The following ELP4 variants were observed in gnomAD, a reference collection of about 807,000 sequenced individuals.
ELP4 encodes elongator acetyltransferase complex subunit 4.
ELP4 carries 51 observed loss-of-function variants against 48.9 expected under a neutral mutation model. That is an observed-to-expected ratio of 1.04 (90% confidence interval 0.83 to 1.32). The LOEUF (loss-of-function observed/expected upper bound fraction) is 1.32. Among genes scored for constraint, ELP4 ranks in the 40% most tolerant of loss-of-function variants. ELP4 has a pLI of 0.00. For synonymous variants in ELP4, 210 were observed against 189.2 expected, an observed-to-expected ratio of 1.11 and a Z score of -0.90; for missense variants, 519 against 514.6, an observed-to-expected ratio of 1.01 and a Z score of -0.08.
At chr11:31,767,785 C>T (rs1423960455) in intron 9 of ELP4, 1 of 152,126 alleles carries the variant, frequency 6.6e-6, no homozygotes, top group Non-Finnish European at 1.5e-5. Flanking sequence ...GTCACTTCAG[C>T]AAAGAGTTAC....
At position 31,668,638 on chromosome 11, in the gene ELP4, T is replaced by C. The variant is rs1199316082; in HGVS notation, c.1143+18417T>C. ...ACCGCACCTAGCTGTGATTCTCTTC[T>C]TTGCTTTAGATATCGGAATGAAATT... On this transcript the variant is annotated intron_variant, in intron 9 of 9. Coordinates refer to ENST00000640961, the MANE Select transcript of ELP4 (RefSeq NM_019040.5). Among the ~76,000 whole-genome samples, 3 of 147,684 alleles carry C rather than the reference T, an allele frequency of 2.0e-5. No homozygotes were observed. The South Asian group carries it at 6.4e-4, about 32-fold the overall frequency.
At chr11:31,693,349 C>T (rs1260486318) in intron 9 of ELP4, among the ~76,000 whole-genome samples, 2 of 151,946 alleles carry the variant, frequency 1.3e-5, no homozygotes, top group Admixed American at 6.6e-5. Flanking sequence ...GTAATATTCC[C>T]CTTCCTGTGT....
At chr11:31,747,044 T>C (rs923968978) in intron 9 of ELP4, among the ~76,000 whole-genome samples, 2 of 152,076 alleles carry the variant, frequency 1.3e-5, no homozygotes, top group African/African-American at 4.8e-5. Context: ...TGTGTGTGTG[T>C]GTGTGTGTGT....
chr11:31,568,665 G>A (rs2996463), intron 3 of ELP4, among the ~76,000 whole-genome samples: 59,164 of 152,076 alleles, frequency 0.39, 15,078 homozygotes, highest in African/African-American at 0.72. Flanking sequence ...GTAGACAAAA[G>A]TAAGCAATGA....
At chr11:31,633,635 G>GTA (rs927564302) in intron 7 of ELP4, 14 of 151,986 alleles carry the variant, frequency 9.2e-5, no homozygotes, top group African/African-American at 3.1e-4. Context: ...ATACATACTT[G>GTA]TATTGCTTTC....
At chr11:31,510,665 C>A (rs1955975870) in intron 1 of ELP4, 1 of 317,676 alleles carries the variant, frequency 3.1e-6, no homozygotes, top group East Asian at 5.0e-5. Context: ...GTATTGATTG[C>A]TGCTACATTC....
intron 2 of ELP4, among the ~76,000 whole-genome samples, chr11:31,526,116 A>G (rs1462071046): frequency 6.6e-6 from 1 of 152,154 alleles, no homozygotes; most frequent in Non-Finnish European, 1.5e-5. Flanking sequence ...CATGTATTGT[A>G]TCATGTAATT....
chr11:31,563,626 GGTA>G (rs1957057758), intron 3 of ELP4, among the ~76,000 whole-genome samples: 1 of 151,970 alleles, frequency 6.6e-6, no homozygotes. Context: ...TTTGTTGAAA[GGTA>G]GTCCTATTTT....
rs1332252266 is a variant in ELP4 at position 31,787,000 on chromosome 11, T to C, written c.*3476T>C. On this transcript the variant is annotated 3_prime_UTR_variant, in exon 10 of 10. Transcript: ENST00000640961. Reference sequence around the variant, plus strand: ...TCCCTGCAGATACCCCATTGATAAATATATAAATATATGTATCGTTAAATA... The same window carrying C: ...TCCCTGCAGATACCCCATTGATAAACATATAAATATATGTATCGTTAAATA... 1 of 213,448 alleles carries C rather than the reference T, an allele frequency of 4.7e-6. No individual in the cohort carries two copies. The highest frequency in any genetic ancestry group is 9.3e-6 in the Non-Finnish European group (1 of 108,044). The allele number at this position is 213,448 out of a possible 1,614,324, so 13.2% of individuals were successfully genotyped here.
At chr11:31,613,792 T>C (rs1174595311) in intron 5 of ELP4, among the ~76,000 whole-genome samples, 1 of 147,466 alleles carries the variant, frequency 6.8e-6, no homozygotes, top group African/African-American at 2.5e-5. Flanking sequence ...CACTGCAGCC[T>C]CTACCTCCTG....
chr11:31,725,574 TG>T (rs1405086512), intron 9 of ELP4, among the ~76,000 whole-genome samples: 3 of 152,216 alleles, frequency 2.0e-5, no homozygotes. Flanking sequence ...CTTTTCATCT[TG>T]CAAGCTTGGC....
intron 9 of ELP4, among the ~76,000 whole-genome samples, chr11:31,716,289 A>G (rs1045559551): frequency 2.0e-5 from 3 of 152,196 alleles, no homozygotes; most frequent in Admixed American, 6.5e-5. Context: ...CCGGGATTGC[A>G]GGCACAAGCC....
In ELP4 at chr11:31,783,591, GT is replaced by G; in HGVS notation, c.*68del. ...CTAATTATGATTGCTAATAGCTTAT[GT>G]AAATATTTTTCTTAACAATTTGACC... On this transcript the variant is annotated 3_prime_UTR_variant, in exon 10 of 10. Coordinates refer to ENST00000640961, the MANE Select transcript of ELP4 (RefSeq NM_019040.5). The G allele has an allele frequency of 6.9e-7, 1 of 1,458,118 alleles. No individual in the cohort carries two copies. The highest frequency in any genetic ancestry group is 9.3e-7 in the Non-Finnish European group (1 of 1,074,462). 90.3% of individuals were successfully genotyped at this position (1,458,118 alleles called of 1,614,324 possible). A position where few individuals can be genotyped will look rare whatever the true frequency, so the allele number is the denominator to read the frequency against.
chr11:31,712,864 A>T (rs562269406), intron 9 of ELP4, among the ~76,000 whole-genome samples: 7 of 152,324 alleles, frequency 4.6e-5, no homozygotes, highest in Non-Finnish European at 8.8e-5. Flanking sequence ...GAAGACATCA[A>T]TTGTCAGGAT....
At chr11:31,591,265 G>A (rs1342645073) in intron 3 of ELP4, among the ~76,000 whole-genome samples, 3 of 151,932 alleles carry the variant, frequency 2.0e-5, no homozygotes, top group African/African-American at 7.2e-5. Context: ...AATTAGCCAG[G>A]CGTGGTGGTG....
At chr11:31,694,320 A>G (rs1946351368) in intron 9 of ELP4, among the ~76,000 whole-genome samples, 1 of 152,198 alleles carries the variant, frequency 6.6e-6, no homozygotes. Context: ...TCTTTAATCC[A>G]GCTTGAATTA....
chr11:31,582,200 T>C (rs1470437721), intron 3 of ELP4, among the ~76,000 whole-genome samples: 1 of 152,198 alleles, frequency 6.6e-6, no homozygotes, highest in Non-Finnish European at 1.5e-5. Flanking sequence ...TTCAATGTCT[T>C]CATCTATATA....
rs1242923584 is a variant in ELP4, at chr11:31,760,188, G to A, written c.1144-23205G>A. On this transcript the variant is annotated intron_variant, in intron 9 of 9. Transcript: ENST00000640961. ...ATACCAACTTCTCCTCCAGTGCTAG[G>A]GAAAGAGAAGCTTACCTTAGCTACA... 3.3e-5 allele frequency among the ~76,000 whole-genome samples: 5 copies of A among 152,220 alleles called. No homozygotes were observed. In the East Asian group the frequency reaches 7.7e-4, roughly 23 times the overall value.
Position 31,783,984 on chromosome 11 carries a change from A to G in ELP4, c.*460A>G, listed in dbSNP as rs1277101672. ...ATGTGTTTACTAATATATAAAATAA[A>G]TTTGCATTTATGTATCCAGTTATTA... is the stretch of plus-strand genomic sequence containing the variant. On this transcript the variant is annotated 3_prime_UTR_variant, in exon 10 of 10. Transcript: ENST00000640961. The G allele has an allele frequency of 2.0e-5, 3 of 152,334 alleles. No homozygotes were observed. The highest frequency in any genetic ancestry group is 2.9e-5 in the Non-Finnish European group (2 of 68,128). The allele number at this position is 152,334 out of a possible 1,614,324, so 9.4% of individuals were successfully genotyped here.
Sources: gnomAD v4.1 joint callset for allele counts (sites outside exome capture counted in the v4.1 genomes callset) on GRCh38, gnomAD v4.1.1 for gene constraint, MANE v1.5 for transcripts, NCBI Gene and HGNC (gene_info 2026-07-23, HGNC 2026-07-21) for gene names.